The following STS variants were observed in gnomAD, a reference collection of about 807,000 sequenced individuals.
The protein encoded by STS is steryl-sulfatase.
A neutral mutation model predicts 26.8 loss-of-function variants in STS; 7 were observed. The observed-to-expected ratio is 0.26, with a 90% CI of 0.15 to 0.49. The LOEUF is 0.49. Ranked by LOEUF, STS falls within the 20% of genes least tolerant of loss-of-function variation. The probability of loss-of-function intolerance (pLI) is 0.98; values close to 1 mark genes in which losing one functional copy is unlikely to be tolerated. For missense variants in STS, 434 were observed against 465.6 expected, an observed-to-expected ratio of 0.93 and a Z score of 0.63; for synonymous variants, 199 against 189.4, an observed-to-expected ratio of 1.05 and a Z score of -0.42.
rs1194289257 is a variant in STS, at chrX:7,351,936, A to G, written c.*1675A>G. On this transcript the variant is annotated 3_prime_UTR_variant, in exon 11 of 11. Transcript: ENST00000674429. ...AAACGTTAATTTTGCTTCTCTTTCT[A>G]AAAAAAAAAAAAAAAAAGAAAGAGA... 3 of 86,839 alleles carry G rather than the reference A, an allele frequency of 3.5e-5. No individual in the cohort carries two copies. The highest frequency in any genetic ancestry group is 8.3e-5 in the African/African-American group (2 of 23,979). 7.2% of individuals were successfully genotyped at this position (86,839 alleles called of 1,213,427 possible). A position where few individuals can be genotyped will look rare whatever the true frequency, so the allele number is the denominator to read the frequency against.
chrX:7,249,582 G>C (rs1407140366), intron 2 of STS, among the ~76,000 whole-genome samples: 2 of 111,649 alleles, frequency 1.8e-5, no homozygotes, highest in Non-Finnish European at 3.8e-5. Context: ...CAAGGGAACT[G>C]CTCGAGTAAT....
chrX:7,313,223 C>CT (rs1186257817), intron 8 of STS, among the ~76,000 whole-genome samples: 4 of 112,101 alleles, frequency 3.6e-5, no homozygotes, highest in South Asian at 7.4e-4. Context: ...AGAATATATA[C>CT]TTTTTTTTCA....
intron 1 of STS, among the ~76,000 whole-genome samples, chrX:7,162,092 A>G (rs1303735966): frequency 8.9e-6 from 1 of 112,010 alleles, no homozygotes; most frequent in Non-Finnish European, 1.9e-5. Flanking sequence ...TTTATGGCCA[A>G]AAGTCCTAAG....
chrX:7,211,717 A>G (rs1399481881), intron 2 of STS, among the ~76,000 whole-genome samples: 2 of 112,077 alleles, frequency 1.8e-5, no homozygotes, highest in Non-Finnish European at 3.8e-5. Flanking sequence ...TGGGACACCT[A>G]TCATTTTGCT....
rs1049427608 is a variant in STS, at chrX:7,246,549, G to A, written c.-4-6647G>A. 8.1e-5 allele frequency among the ~76,000 whole-genome samples: 9 copies of A among 110,582 alleles called. No homozygotes were observed. The East Asian group carries it at 2.0e-3, about 24-fold the overall frequency. The stretch of plus-strand genomic sequence containing the variant: ...TCTCGATCTCCTGACATCGTGATCC[G>A]CCCGCCTCGGCCTCCCAAAGTGCTG... On this transcript the variant is annotated intron_variant, in intron 2 of 10. Transcript: ENST00000674429.
At chrX:7,324,027 C>T (rs1182495662) in intron 8 of STS, among the ~76,000 whole-genome samples, 1 of 111,829 alleles carries the variant, frequency 8.9e-6, no homozygotes, top group Non-Finnish European at 1.9e-5. Flanking sequence ...GTTGACACAG[C>T]CCCGGGAGAT....
intron 8 of STS, among the ~76,000 whole-genome samples, chrX:7,317,285 G>GTT (rs56896506): frequency 3.0e-4 from 31 of 104,182 alleles, no homozygotes; most frequent in African/African-American, 3.5e-4. Context: ...TCCTTCACCT[G>GTT]TTTTTTTTTT....
At chrX:7,189,386 G>A (rs1187681707) in intron 1 of STS, among the ~76,000 whole-genome samples, 1 of 111,321 alleles carries the variant, frequency 9.0e-6, no homozygotes, top group African/African-American at 3.3e-5. Context: ...TTTCTGTAAA[G>A]GGTTAGATAG....
Position 7,350,066 on chromosome X carries a change from C to T in STS, c.1542C>T (p.Ser514=), listed in dbSNP as rs749953304. The change falls in exon 11 of 11, where the codon TCC becomes TCT. Residue 514 remains serine, a synonymous_variant. Transcript: ENST00000674429. ...PRERNPLTPA[S]EPRFYEILKV... is the part of the protein sequence containing the mutation. ...AGAGAAACCCACTAACTCCAGCATC[C>T]GAGCCCCGGTTTTATGAAATCCTCA... The T allele has an allele frequency of 2.8e-4, 335 of 1,210,219 alleles. No homozygotes were observed. The highest frequency in any genetic ancestry group is 3.6e-4 in the Non-Finnish European group (324 of 895,248).
intron 8 of STS, among the ~76,000 whole-genome samples, chrX:7,312,406 AT>A (rs1174889142): frequency 9.0e-6 from 1 of 111,578 alleles, no homozygotes; most frequent in African/African-American, 3.3e-5. Context: ...GGGCTGCCTC[AT>A]TTACCACTGT....
chrX:7,192,933 G>A (rs1185988984), intron 2 of STS, among the ~76,000 whole-genome samples: 2 of 112,471 alleles, frequency 1.8e-5, no homozygotes, highest in African/African-American at 6.5e-5. Context: ...TGCTGAGGGC[G>A]ACAAACCCTG....
At chrX:7,148,649 G>T (rs1415141572) in intron 1 of STS, among the ~76,000 whole-genome samples, 1 of 112,361 alleles carries the variant, frequency 8.9e-6, no homozygotes, top group East Asian at 2.8e-4. Flanking sequence ...TGGACCGTGG[G>T]TGGGTTTTTC....
intron 7 of STS, among the ~76,000 whole-genome samples, chrX:7,302,889 T>C (rs1371259188): frequency 2.7e-5 from 3 of 111,728 alleles, no homozygotes; most frequent in Non-Finnish European, 5.6e-5. Context: ...GAATATCAGT[T>C]GTTGTGGACA....
chrX:7,292,962 T>C (rs1039700509), intron 7 of STS, among the ~76,000 whole-genome samples: 13 of 111,649 alleles, frequency 1.2e-4, no homozygotes, highest in African/African-American at 4.2e-4. Flanking sequence ...AACAGCATGG[T>C]ACTGGTACCA....
At chrX:7,214,612 G>A (rs1373838988) in intron 2 of STS, among the ~76,000 whole-genome samples, 1 of 110,186 alleles carries the variant, frequency 9.1e-6, no homozygotes, top group Non-Finnish European at 1.9e-5. Context: ...CAGTTCTCTG[G>A]TGGTGATTTG....
intron 1 of STS, among the ~76,000 whole-genome samples, chrX:7,178,410 T>C (rs1191750765): frequency 8.9e-6 from 1 of 111,873 alleles, no homozygotes; most frequent in Non-Finnish European, 1.9e-5. Flanking sequence ...GTAGATACAA[T>C]GAAGGGAATT....
intron 6 of STS, 35 bp from the exon 7 acceptor site, chrX:7,275,915 CT>C (rs774989629): frequency 4.5e-6 from 5 of 1,122,547 alleles, no homozygotes; most frequent in Non-Finnish European, 2.4e-6. Context: ...TATCTGTGGT[CT>C]TTTTTTTCCT....
chrX:7,216,022 G>A (rs1177046399), intron 2 of STS, among the ~76,000 whole-genome samples: 1 of 112,018 alleles, frequency 8.9e-6, no homozygotes, highest in African/African-American at 3.2e-5. Context: ...CCACAGCAGA[G>A]GAACCAGAGG....
At chrX:7,319,986 ATTTATATATATATT>A (rs1333546921) in intron 8 of STS, among the ~76,000 whole-genome samples, 2 of 90,312 alleles carry the variant, frequency 2.2e-5, no homozygotes, top group East Asian at 3.1e-4. Flanking sequence ...ATGTATATAT[ATTTATATATATATT>A]TTTATATATA....
Sources: allele counts gnomAD v4.1 joint callset (sites outside exome capture counted in the v4.1 genomes callset), GRCh38; gene constraint gnomAD v4.1.1; transcripts MANE v1.5; gene names NCBI Gene and HGNC (gene_info 2026-07-23, HGNC 2026-07-21).